The following C7orf57 variants were observed in gnomAD, a reference collection of about 807,000 sequenced individuals.
The protein encoded by C7orf57 is uncharacterized protein C7orf57.
C7orf57 carries 33 observed loss-of-function variants against 39.0 expected under a neutral mutation model. The ratio of observed to expected loss-of-function variants is 0.85; its 90% CI spans 0.64 to 1.13. The LOEUF (loss-of-function observed/expected upper bound fraction) is 1.13. Ranked by LOEUF, C7orf57 falls within the 50% of genes most tolerant of loss-of-function variation. The probability of loss-of-function intolerance (pLI) is 0.00; values close to 1 mark genes in which losing one functional copy is unlikely to be tolerated. For missense variants in C7orf57, 346 were observed against 362.3 expected (o/e 0.95, Z 0.37); for synonymous variants, 124 against 137.1 (o/e 0.90, Z 0.67).
At chr7:48,040,689 C>T (rs375844810) in intron 2 of C7orf57, among the ~76,000 whole-genome samples, 1 of 152,078 alleles carries the variant, frequency 6.6e-6, no homozygotes, top group African/African-American at 2.4e-5. Flanking sequence ...GGGGAACTCA[C>T]ACTGTACTCG....
rs530278655 is a variant in C7orf57 at position 48,052,785 on chromosome 7, C to A, written c.691C>A (p.Arg231=). 8 of 1,613,864 alleles carry A rather than the reference C, an allele frequency of 5.0e-6. No homozygotes were observed. In the African/African-American group the frequency reaches 9.3e-5, roughly 19 times the overall value. ...YKDEWLQQQQ[R]ADSDKRTPKT... ...GGATGAGTGGTTGCAGCAGCAGCAG[C>A]GAGCTGACTCAGACAAGAGGACCCC... Residue 231 remains arginine (R), a synonymous_variant, in exon 7 of 9, where the codon CGA becomes AGA. Coordinates refer to ENST00000348904, the MANE Select transcript of C7orf57 (RefSeq NM_001100159.3).
Position 48,039,842 on chromosome 7 carries a change from C to T in C7orf57, c.56-1492C>T, listed in dbSNP as rs10247913. Reference sequence around the variant, plus strand: ...TGAACATACTGCCCCTGTGACAGTACGTTCTGATAAGTGGTATTGAATACA... The same window carrying T: ...TGAACATACTGCCCCTGTGACAGTATGTTCTGATAAGTGGTATTGAATACA... On this transcript the variant is annotated intron_variant, in intron 2 of 8. Coordinates refer to ENST00000348904, the MANE Select transcript of C7orf57 (RefSeq NM_001100159.3). Among the ~76,000 whole-genome samples, 263 of 45,530 alleles carry T rather than the reference C, an allele frequency of 5.8e-3. 2 individuals are homozygous for T. The highest frequency in any genetic ancestry group is 0.015 in the Middle Eastern group (1 of 66). The allele number at this position is 45,530 out of a possible 152,430, so 29.9% of individuals were successfully genotyped here. A position where few individuals can be genotyped will look rare whatever the true frequency, so the allele number is the denominator to read the frequency against.
chr7:48,046,555 ACTT>A lies in C7orf57; in HGVS notation c.448_450del (p.Phe150del). ...TATGCATCCAGAAGAGGGCCCTTCG[ACTT>A]CGACATGAAAACAGTTTGGCAAAGA... On this transcript the variant is annotated inframe_deletion, in exon 5 of 9. Coordinates refer to ENST00000348904, the MANE Select transcript of C7orf57 (RefSeq NM_001100159.3). 6.2e-7 allele frequency: 1 copy of A among 1,613,918 alleles called. No homozygotes were observed. The highest frequency in any genetic ancestry group is 8.5e-7 in the Non-Finnish European group (1 of 1,179,836).
Position 48,060,348 on chromosome 7 carries a change from G to T in C7orf57, c.*76G>T. ...ATGACTGTATTATAGCTATATTTCT[G>T]AGGCTTTTTTTGTATTTTATTAATA... On this transcript the variant is annotated 3_prime_UTR_variant, in exon 9 of 9. Transcript: ENST00000348904. 1 of 941,702 alleles carries T rather than the reference G, an allele frequency of 1.1e-6. No individual in the cohort carries two copies. The allele number at this position is 941,702 out of a possible 1,614,324, so 58.3% of individuals were successfully genotyped here.
intron 3 of C7orf57, among the ~76,000 whole-genome samples, chr7:48,041,984 C>T (rs10256256): frequency 0.47 from 71,285 of 152,076 alleles, 17,414 homozygotes; most frequent in African/African-American, 0.62. Context: ...GTGATACTGA[C>T]GAGGACCAAA....
Position 48,036,194 on chromosome 7 carries a change from T to A in C7orf57, c.-101-14T>A, listed in dbSNP as rs1426435622. ...GACCGACCCAGAGCGGGCGCGCGGA[T>A]TTTGCTTTTGCAGCTGCAGCTCCTG... On this transcript the variant is annotated splice_polypyrimidine_tract_variant and intron_variant, in intron 1 of 8. Transcript: ENST00000348904. The A allele has an allele frequency of 8.6e-7, 1 of 1,159,960 alleles. No homozygotes were observed. The highest frequency in any genetic ancestry group is 1.3e-6 in the Non-Finnish European group (1 of 791,006). 71.9% of individuals were successfully genotyped at this position (1,159,960 alleles called of 1,614,324 possible). A position where few individuals can be genotyped will look rare whatever the true frequency, so the allele number is the denominator to read the frequency against.
intron 8 of C7orf57, among the ~76,000 whole-genome samples, chr7:48,057,009 GT>G (rs1263558064): frequency 6.7e-6 from 1 of 149,152 alleles, no homozygotes; most frequent in Non-Finnish European, 1.5e-5. Context: ...GTACCATGCT[GT>G]TTTGCTTACT....
intron 6 of C7orf57, among the ~76,000 whole-genome samples, chr7:48,050,451 G>A (rs1053285973): frequency 6.6e-6 from 1 of 152,202 alleles, no homozygotes; most frequent in Non-Finnish European, 1.5e-5. Flanking sequence ...TCCAGCTGCA[G>A]AGTGAAATCC....
At position 48,041,481 on chromosome 7, in the gene C7orf57, C is replaced by T. The variant is rs200648424; in HGVS notation, c.203C>T (p.Ser68Leu). 1.2e-5 allele frequency: 19 copies of T among 1,612,958 alleles called. No individual in the cohort carries two copies. Among genetic ancestry groups the T allele is most frequent in the South Asian group, 4.4e-5 (4 of 90,912 alleles). ...TRRYWIKETD[S>L]EYVKLAKQGG... The stretch of plus-strand genomic sequence containing the variant: ...AGATACTGGATAAAAGAAACAGATT[C>T]GGAATATGTGAAGCTCGCGAAACAA... Residue 68 changes from serine to leucine, a missense_variant, in exon 3 of 9, where the codon TCG becomes TTG. Coordinates refer to ENST00000348904, the MANE Select transcript of C7orf57 (RefSeq NM_001100159.3).
At chr7:48,048,524 G>A (rs913825620) in intron 5 of C7orf57, among the ~76,000 whole-genome samples, 5 of 152,140 alleles carry the variant, frequency 3.3e-5, no homozygotes, top group African/African-American at 9.7e-5. Context: ...CAATACCTCC[G>A]TGGATTTTGT....
chr7:48,057,390 G>C (rs1363179558), intron 8 of C7orf57, among the ~76,000 whole-genome samples: 1 of 152,038 alleles, frequency 6.6e-6, no homozygotes, highest in African/African-American at 2.4e-5. Flanking sequence ...TGTTGAGAGT[G>C]GGATTGTTTC....
At chr7:48,051,784 TTC>T (rs1389531978) in intron 6 of C7orf57, among the ~76,000 whole-genome samples, 1 of 113,352 alleles carries the variant, frequency 8.8e-6, no homozygotes, top group Non-Finnish European at 1.9e-5. Context: ...CTTTCTTTCT[TTC>T]TTTCTTTCTT....
chr7:48,051,725 TCTC>T (rs1321023711), intron 6 of C7orf57, among the ~76,000 whole-genome samples: 2 of 49,422 alleles, frequency 4.0e-5, no homozygotes, highest in South Asian at 1.3e-3. Context: ...TTTCTTTCTT[TCTC>T]TTTTTCTTTT....
At chr7:48,056,368 C>G (rs535791096) in intron 8 of C7orf57, among the ~76,000 whole-genome samples, 38 of 152,226 alleles carry the variant, frequency 2.5e-4, no homozygotes, top group African/African-American at 8.7e-4. Context: ...AACCCCTTAT[C>G]AGATGTATGG....
chr7:48,036,002 G>A (rs1416666063), intron 1 of C7orf57, among the ~76,000 whole-genome samples: 1 of 151,838 alleles, frequency 6.6e-6, no homozygotes. Flanking sequence ...CTGTGTGGAC[G>A]TGCCCTGCTG....
At chr7:48,039,693 A>C (rs939038640) in intron 2 of C7orf57, among the ~76,000 whole-genome samples, 1 of 152,160 alleles carries the variant, frequency 6.6e-6, no homozygotes, top group East Asian at 1.9e-4. Flanking sequence ...CCAAGTTGAC[A>C]CATAAAATTA....
chr7:48,058,989 G>A (rs1306980841), intron 8 of C7orf57, among the ~76,000 whole-genome samples: 1 of 152,162 alleles, frequency 6.6e-6, no homozygotes, highest in Admixed American at 6.5e-5. Flanking sequence ...GCCTAAATAA[G>A]CAGCAAAGCC....
chr7:48,036,174 A>T, intron 1 of C7orf57, 34 bp from the exon 2 acceptor site: 1 of 886,232 alleles, frequency 1.1e-6, no homozygotes, highest in Non-Finnish European at 1.8e-6. Flanking sequence ...GTACAGACCG[A>T]CCCAGAGCGG....
intron 2 of C7orf57, among the ~76,000 whole-genome samples, chr7:48,038,381 C>CATATAT (rs142265532): frequency 2.3e-4 from 30 of 128,994 alleles, no homozygotes; most frequent in East Asian, 1.1e-3. Flanking sequence ...TTTCTATATA[C>CATATAT]ATATAGATAG....
Sources: gnomAD v4.1 joint callset for allele counts (sites outside exome capture counted in the v4.1 genomes callset) on GRCh38, gnomAD v4.1.1 for gene constraint, MANE v1.5 for transcripts, NCBI Gene and HGNC (gene_info 2026-07-23, HGNC 2026-07-21) for gene names.